DEAF1: variants seen among roughly 807,000 people sequenced by gnomAD.
DEAF1 encodes DEAF1 transcription factor.
In DEAF1, 53 loss-of-function variants were observed where a neutral mutation model predicts 58.9. That is an observed-to-expected ratio of 0.90 (90% confidence interval 0.72 to 1.13). The LOEUF (loss-of-function observed/expected upper bound fraction) is 1.13. DEAF1 is among the 50% of genes most tolerant of loss of function. DEAF1 has a pLI of 0.00. For synonymous variants in DEAF1, 385 were observed against 340.4 expected (o/e 1.13, Z -1.44); for missense variants, 685 against 791.4 (o/e 0.87, Z 1.61).
At position 695,222 on chromosome 11, in the gene DEAF1, C is replaced by G; in HGVS notation, c.-175G>C. On this transcript the variant is annotated 5_prime_UTR_variant, in exon 1 of 12. Coordinates refer to ENST00000382409, the MANE Select transcript of DEAF1 (RefSeq NM_021008.4). ...CCGCCGAGCAGAGCCGAGCCGAGTC[C>G]GCCCGCGGAGCGGAGCCGAGGCGAA... 2 of 576,556 alleles carry G rather than the reference C, an allele frequency of 3.5e-6. No individual in the cohort carries two copies. Among genetic ancestry groups the G allele is most frequent in the Non-Finnish European group, 5.3e-6 (2 of 377,022 alleles). 35.7% of individuals were successfully genotyped at this position (576,556 alleles called of 1,614,324 possible).
At chr11:646,454 T>A (rs1858504711) in intron 11 of DEAF1, 1 of 152,120 alleles carries the variant, frequency 6.6e-6, no homozygotes, top group Admixed American at 6.6e-5. Context: ...GCACCCCTCA[T>A]GGGAGCTGCC....
chr11:691,381 T>A, intron 2 of DEAF1, 120 bp downstream of exon 2: 5 of 919,254 alleles, frequency 5.4e-6, no homozygotes, highest in Middle Eastern at 5.9e-4. Context: ...AGTGCGTCCC[T>A]CCCCAGCTCA....
intron 1 of DEAF1, chr11:704,732 G>A (rs954381235): frequency 2.9e-5 from 32 of 1,102,366 alleles, no homozygotes; most frequent in Middle Eastern, 4.7e-4. Context: ...CAGGTGACCC[G>A]GAGTGGATGG....
At chr11:704,475 C>T in intron 1 of DEAF1, 1 of 1,289,384 alleles carries the variant, frequency 7.8e-7, no homozygotes, top group South Asian at 1.2e-5. Context: ...GCCCTGAGGA[C>T]CCACTTCACA....
chr11:675,767 C>T (rs959259620), intron 9 of DEAF1, among the ~76,000 whole-genome samples: 1 of 152,038 alleles, frequency 6.6e-6, no homozygotes, highest in South Asian at 2.1e-4. Flanking sequence ...TTGTGGTGAG[C>T]CGAGATGGTG....
At chr11:686,408 C>T (rs1860595438) in intron 5 of DEAF1, among the ~76,000 whole-genome samples, 1 of 152,026 alleles carries the variant, frequency 6.6e-6, no homozygotes, top group South Asian at 2.1e-4. Context: ...AAAGTCTCTA[C>T]AGGAATTGCT....
chr11:646,795 A>G (rs1232399933), intron 11 of DEAF1, among the ~76,000 whole-genome samples: 1 of 152,232 alleles, frequency 6.6e-6, no homozygotes, highest in East Asian at 1.9e-4. Flanking sequence ...ATTAGAAGTT[A>G]GCGTTTCAGT....
chr11:653,957 C>T lies in DEAF1; in HGVS notation c.1593+5G>A, dbSNP rs747284008. The stretch of plus-strand genomic sequence containing the variant: ...GGCACTGAGCCTGGTGTAGGTGAGA[C>T]CTACCTTGCGTTGGCAGAAGGTGGA... On this transcript the variant is annotated splice_donor_5th_base_variant and intron_variant, in intron 11 of 11. Coordinates refer to ENST00000382409, the MANE Select transcript of DEAF1 (RefSeq NM_021008.4). The T allele has an allele frequency of 3.5e-5, 56 of 1,613,596 alleles. No individual in the cohort carries two copies.
intron 1 of DEAF1, among the ~76,000 whole-genome samples, chr11:702,532 G>A (rs529710048): frequency 2.0e-5 from 3 of 152,358 alleles, no homozygotes; most frequent in South Asian, 2.1e-4. Flanking sequence ...ATACATACTC[G>A]TGAAATTTTC....
intron 11 of DEAF1, among the ~76,000 whole-genome samples, chr11:650,373 C>CAAAAAAA (rs796351710): frequency 1.3e-4 from 3 of 22,248 alleles, no homozygotes; most frequent in Non-Finnish European, 2.5e-4. Context: ...CAGTCCGTCT[C>CAAAAAAA]AAAAAAAAAA....
chr11:656,344 C>T (rs971322649), intron 10 of DEAF1, among the ~76,000 whole-genome samples: 4 of 151,730 alleles, frequency 2.6e-5, no homozygotes, highest in African/African-American at 7.3e-5. Flanking sequence ...TTAGTAGAGA[C>T]GGGGTTTTGC....
At position 674,588 on chromosome 11, in the gene DEAF1, C is replaced by T. The variant is rs752205049; in HGVS notation, c.1451G>A (p.Arg484Gln). ...FEQAKHASTY[R>Q]EAATNQAKIH... ...CTTGGCCTGGTTTGTGGCAGCTTCT[C>T]GGTAGGTGCTGGCATGCTTGGCTTG... The change falls in exon 10 of 12, where the codon CGA (arginine) becomes CAA (glutamine). Residue 484 changes from arginine (R) to glutamine (Q), a missense_variant. Transcript: ENST00000382409. 45 of 1,613,996 alleles carry T rather than the reference C, an allele frequency of 2.8e-5. No homozygotes were observed. The highest frequency in any genetic ancestry group is 2.7e-5 in the African/African-American group (2 of 74,916).
At chr11:699,059 A>G, upstream of DEAF1, 2 of 764,480 alleles carry the variant, frequency 2.6e-6, no homozygotes, top group South Asian at 1.6e-5. Context: ...TCCTCGGATC[A>G]GTTCTGCTGG....
Position 671,220 on chromosome 11 carries a change from G to A in DEAF1, c.1503+3316C>T, listed in dbSNP as rs189915255. 2.0e-4 allele frequency among the ~76,000 whole-genome samples: 30 copies of A among 150,530 alleles called. No homozygotes were observed. The East Asian group carries it at 4.8e-3, about 24-fold the overall frequency. Reference sequence around the variant, plus strand: ...TGGGATTACAGGCGTGAGCCACCGCGCCTGGACTTTTTGTTTTTTGAGACA... The same window carrying A: ...TGGGATTACAGGCGTGAGCCACCGCACCTGGACTTTTTGTTTTTTGAGACA... On this transcript the variant is annotated intron_variant, in intron 10 of 11. Transcript: ENST00000382409.
At chr11:698,732 G>C, upstream of DEAF1, 2 of 998,954 alleles carry the variant, frequency 2.0e-6, no homozygotes, top group South Asian at 1.3e-5. Context: ...GCAGGCCCAC[G>C]GTATATGTTT....
At chr11:705,654 A>G (rs777776594) in intron 1 of DEAF1, among the ~76,000 whole-genome samples, 48 of 151,962 alleles carry the variant, frequency 3.2e-4, no homozygotes, top group Admixed American at 7.9e-4. Flanking sequence ...ACACCCACCC[A>G]CTCACCGAAG....
At chr11:700,046 C>G, upstream of DEAF1, 1 of 959,180 alleles carries the variant, frequency 1.0e-6, no homozygotes, top group Non-Finnish European at 1.6e-6. Flanking sequence ...GTGTCTGTGG[C>G]CACCAAACAG....
intron 9 of DEAF1, among the ~76,000 whole-genome samples, chr11:677,038 C>T (rs1029255960): frequency 9.9e-5 from 15 of 152,162 alleles, no homozygotes; most frequent in East Asian, 5.8e-4. Flanking sequence ...GCGGTCGATG[C>T]GAACCCCAGC....
Position 694,886 on chromosome 11 carries a change from C to G in DEAF1, c.162G>C (p.Ser54=), listed in dbSNP as rs141389829. 2,068 of 1,499,790 alleles carry G rather than the reference C, an allele frequency of 1.4e-3. 12 individuals carry two copies. Among genetic ancestry groups the G allele is most frequent in the Middle Eastern group, 0.011 (53 of 4,642 alleles). 92.9% of individuals were successfully genotyped at this position (1,499,790 alleles called of 1,614,324 possible). A position where few individuals can be genotyped will look rare whatever the true frequency, so the allele number is the denominator to read the frequency against. ...CCCGCGGCGTCTCCCGCTCCGCCTC[C>G]GAGTCTGCGTCCTCCTCCGAGTCCT... is the stretch of plus-strand genomic sequence containing the variant. ...RDEDSEEDAD[S]EAERETPRVT... Residue 54 remains serine, a synonymous_variant, in exon 1 of 12, where the codon TCG becomes TCC. Coordinates refer to ENST00000382409, the MANE Select transcript of DEAF1 (RefSeq NM_021008.4).
Sources: gnomAD v4.1 joint callset for allele counts (sites outside exome capture counted in the v4.1 genomes callset) on GRCh38, gnomAD v4.1.1 for gene constraint, MANE v1.5 for transcripts, NCBI Gene and HGNC (gene_info 2026-07-23, HGNC 2026-07-21) for gene names.